NEDD4L: variants seen among roughly 807,000 people sequenced by gnomAD.
NEDD4L encodes the protein NEDD4 like E3 ubiquitin protein ligase.
In NEDD4L, 54 loss-of-function variants were observed where a neutral mutation model predicts 148.9. The observed-to-expected ratio is 0.36, with a 90% CI of 0.29 to 0.45. The LOEUF is 0.45. NEDD4L is among the 20% of genes least tolerant of loss of function. The pLI is 1.00. For missense variants in NEDD4L, 856 were observed against 1,233.8 expected (o/e 0.69, Z 4.59); for synonymous variants, 433 against 440.7 (o/e 0.98, Z 0.22).
chr18:58,329,275 TA>T (rs2059586547), intron 10 of NEDD4L, 148 bp downstream of exon 10: 1 of 959,638 alleles, frequency 1.0e-6, no homozygotes, highest in African/African-American at 1.6e-5. Context: ...ACCATCTGAA[TA>T]TTAATTTGAA....
intron 1 of NEDD4L, among the ~76,000 whole-genome samples, chr18:58,070,296 T>C (rs2082800939): frequency 1.3e-5 from 2 of 152,034 alleles, no homozygotes; most frequent in Admixed American, 6.6e-5. Flanking sequence ...ACAGGGTCTC[T>C]CTCTGTCACC....
At chr18:58,325,276 ATGG>A (rs1314940009) in intron 9 of NEDD4L, 114 bp downstream of exon 9, 22 of 1,240,216 alleles carry the variant, frequency 1.8e-5, no homozygotes, top group Non-Finnish European at 2.4e-5. Context: ...ATAAGAGCAG[ATGG>A]TGGTGTGGTA....
intron 2 of NEDD4L, among the ~76,000 whole-genome samples, chr18:58,214,124 G>C (rs2042888311): frequency 6.6e-6 from 1 of 152,062 alleles, no homozygotes; most frequent in African/African-American, 2.4e-5. Flanking sequence ...GTAGCAGTGG[G>C]AAAAGCAGAG....
intron 1 of NEDD4L, among the ~76,000 whole-genome samples, chr18:58,163,073 A>G (rs1022447887): frequency 1.7e-4 from 4 of 24,050 alleles, no homozygotes; most frequent in Non-Finnish European, 2.3e-4. Flanking sequence ...CAAAAAAAAG[A>G]AAAAAAAAAA....
intron 13 of NEDD4L, among the ~76,000 whole-genome samples, chr18:58,339,822 T>A (rs2042204003): frequency 6.6e-6 from 1 of 152,146 alleles, no homozygotes; most frequent in Non-Finnish European, 1.5e-5. Flanking sequence ...ACCAGGGAAC[T>A]CCAGGTGACC....
At chr18:58,178,892 A>G (rs886845319) in intron 2 of NEDD4L, among the ~76,000 whole-genome samples, 1 of 152,262 alleles carries the variant, frequency 6.6e-6, no homozygotes, top group Admixed American at 6.5e-5. Flanking sequence ...GTAGGAAAGT[A>G]GAGAAACATG....
chr18:58,281,157 T>C (rs2053007813), intron 5 of NEDD4L, among the ~76,000 whole-genome samples: 1 of 152,102 alleles, frequency 6.6e-6, no homozygotes, highest in South Asian at 2.1e-4. Flanking sequence ...TTTTATTTTT[T>C]TGTAGAGAAG....
intron 5 of NEDD4L, among the ~76,000 whole-genome samples, chr18:58,301,426 C>A (rs2056443702): frequency 6.6e-6 from 1 of 152,150 alleles, no homozygotes; most frequent in African/African-American, 2.4e-5. Context: ...CCTAAGTGCC[C>A]CCTGCAATGT....
intron 1 of NEDD4L, chr18:58,091,708 A>C (rs1351543968): frequency 6.6e-6 from 1 of 152,258 alleles, no homozygotes. Flanking sequence ...ATGTTCTAGC[A>C]GCTAGTAAAA....
chr18:58,151,300 G>C (rs1198879328), intron 1 of NEDD4L, among the ~76,000 whole-genome samples: 1 of 152,204 alleles, frequency 6.6e-6, no homozygotes, highest in African/African-American at 2.4e-5. Context: ...GGTCGGCCTT[G>C]TCTGCCCACT....
chr18:58,256,224 G>C lies in NEDD4L; in HGVS notation c.297+4170G>C. The C allele has an allele frequency of 8.2e-7, 1 of 1,225,468 alleles. No homozygotes were observed. The highest frequency in any genetic ancestry group is 3.2e-5 in the East Asian group (1 of 31,090). The allele number at this position is 1,225,468 out of a possible 1,614,324, so 75.9% of individuals were successfully genotyped here. A position where few individuals can be genotyped will look rare whatever the true frequency, so the allele number is the denominator to read the frequency against. On this transcript the variant is annotated intron_variant, in intron 5 of 30. Coordinates refer to ENST00000400345, the MANE Select transcript of NEDD4L (RefSeq NM_001144967.3). This position sits in a 1 kb window ranked among gnomAD's most constrained non-coding sequence, Gnocchi z 5.2. ...GCCCCGGGCCTGCGCATCCAGCACCGCGCCTCCAGCGCCGACGTGCGCCAG... is the reference window on the plus strand; with the variant it reads ...GCCCCGGGCCTGCGCATCCAGCACCCCGCCTCCAGCGCCGACGTGCGCCAG...
intron 1 of NEDD4L, among the ~76,000 whole-genome samples, chr18:58,154,949 A>C (rs953365147): frequency 1.3e-5 from 2 of 152,248 alleles, no homozygotes; most frequent in Non-Finnish European, 2.9e-5. Context: ...GTCATTTTGG[A>C]ACTACCTTCC....
chr18:58,162,283 C>G (rs2036311062), intron 1 of NEDD4L, among the ~76,000 whole-genome samples: 1 of 152,106 alleles, frequency 6.6e-6, no homozygotes. Flanking sequence ...TGAAGCTGGC[C>G]TCTGTGGTCC....
Position 58,151,625 on chromosome 18 carries a change from A to ATATGTGTGTGTGTGTGTGTG in NEDD4L, c.49-14162_49-14161insATGTGTGTGTGTGTGTGTGT, listed in dbSNP as rs1555709300. Among the ~76,000 whole-genome samples the ATATGTGTGTGTGTGTGTGTG allele has an allele frequency of 5.7e-3, 811 of 141,052 alleles. 10 individuals are homozygous for ATATGTGTGTGTGTGTGTGTG. The highest frequency in any genetic ancestry group is 0.021 in the African/African-American group (784 of 37,450). 92.5% of individuals were successfully genotyped at this position (141,052 alleles called of 152,430 possible). A position where few individuals can be genotyped will look rare whatever the true frequency, so the allele number is the denominator to read the frequency against. On this transcript the variant is annotated intron_variant, in intron 1 of 30. Coordinates refer to ENST00000400345, the MANE Select transcript of NEDD4L (RefSeq NM_001144967.3). ...GAAGATGAGGTAGCTGTGCCTGGAT[A>ATATGTGTGTGTGTGTGTGTG]TGTGTGTGTGTGTGTGTGTGTGTGT...
rs1463994675 is a variant in NEDD4L at position 58,194,997 on chromosome 18, C to A, written c.122+29136C>A. ...GTCACGAAGCTAGTGGAGATGGGATCCAAAGCTAGTTTTGGCTGATGAAAA... is the reference window on the plus strand; with the variant it reads ...GTCACGAAGCTAGTGGAGATGGGATACAAAGCTAGTTTTGGCTGATGAAAA... On this transcript the variant is annotated intron_variant, in intron 2 of 30. Transcript: ENST00000400345. Among the ~76,000 whole-genome samples, 28 of 152,152 alleles carry A rather than the reference C, an allele frequency of 1.8e-4. 1 individual carries two copies. Among genetic ancestry groups the A allele is most frequent in the Admixed American group, 1.8e-3 (28 of 15,272 alleles).
intron 1 of NEDD4L, among the ~76,000 whole-genome samples, chr18:58,162,396 A>G (rs1486666274): frequency 1.3e-5 from 2 of 151,910 alleles, no homozygotes; most frequent in East Asian, 3.9e-4. Context: ...TGCAACTCCC[A>G]GCCCTGCCGC....
chr18:58,213,540 A>G (rs1015477817), intron 2 of NEDD4L, among the ~76,000 whole-genome samples: 1 of 152,190 alleles, frequency 6.6e-6, no homozygotes, highest in African/African-American at 2.4e-5. Flanking sequence ...GGAGAACAAG[A>G]TGAAAATGCT....
intron 1 of NEDD4L, among the ~76,000 whole-genome samples, chr18:58,072,872 GCACACACACACA>G (rs766485355): frequency 7.6e-5 from 10 of 131,610 alleles, no homozygotes; most frequent in African/African-American, 1.6e-4. Flanking sequence ...GCGCGCGCGC[GCACACACACACA>G]CACACACACA....
intron 24 of NEDD4L, among the ~76,000 whole-genome samples, chr18:58,381,394 A>G (rs1357534510): frequency 6.6e-6 from 1 of 152,188 alleles, no homozygotes; most frequent in African/African-American, 2.4e-5. Context: ...CCGCTCATTC[A>G]GTAGCTCTCT....
Sources: allele counts gnomAD v4.1 joint callset (sites outside exome capture counted in the v4.1 genomes callset), GRCh38; gene constraint gnomAD v4.1.1; non-coding constraint Gnocchi (gnomAD v3.1); transcripts MANE v1.5; gene names NCBI Gene and HGNC (gene_info 2026-07-23, HGNC 2026-07-21).